The following TREM1 variants were observed in gnomAD, a reference collection of about 807,000 sequenced individuals.
TREM1 encodes triggering receptor expressed on monocytes 1.
A neutral mutation model predicts 22.4 loss-of-function variants in TREM1; 16 were observed. That is an observed-to-expected ratio of 0.71 (90% confidence interval 0.48 to 1.08). The LOEUF (loss-of-function observed/expected upper bound fraction) is 1.08, where lower values mean the gene tolerates loss of function less well. Ranked by LOEUF, TREM1 falls within the 50% of genes least tolerant of loss-of-function variation. The pLI is 0.00. For synonymous variants in TREM1, 110 were observed against 111.6 expected (o/e 0.99, Z 0.09); for missense variants, 283 against 282.9 (o/e 1.00, Z 0.00).
intron 3 of TREM1, 151 bp from the exon 4 acceptor site, chr6:41,276,381 T>C: frequency 1.5e-6 from 1 of 647,712 alleles, no homozygotes; most frequent in South Asian, 1.8e-5. Flanking sequence ...CTTTTCAGTC[T>C]GTCTCATTGC....
rs1370933748 is a variant in TREM1 at position 41,282,672 on chromosome 6, G to A, written c.129C>T (p.Tyr43=). The A allele has an allele frequency of 1.9e-5, 31 of 1,614,060 alleles. No individual in the cohort carries two copies. The highest frequency in any genetic ancestry group is 2.6e-5 in the Non-Finnish European group (31 of 1,180,040). ...GGCTGCTGGCAAACTTCTCTAGCGT[G>A]TAGTCACATTTCACATCCAGGGTCT... ...EGQTLDVKCD[Y]TLEKFASSQK... The change falls in exon 2 of 4, where the codon TAC becomes TAT. Residue 43 remains tyrosine, a synonymous_variant. Coordinates refer to ENST00000244709, the MANE Select transcript of TREM1 (RefSeq NM_018643.5).
downstream of TREM1, among the ~76,000 whole-genome samples, chr6:41,267,634 T>C (rs1053352417): frequency 1.6e-4 from 24 of 152,070 alleles, no homozygotes; most frequent in African/African-American, 5.3e-4. Context: ...AGTTCATGGC[T>C]ATAATCTTAG....
chr6:41,270,711 T>C (rs903038392), downstream of TREM1, among the ~76,000 whole-genome samples: 1 of 152,046 alleles, frequency 6.6e-6, no homozygotes, highest in African/African-American at 2.4e-5. Context: ...AGTTCTTTTG[T>C]TTTTGTCTTT....
chr6:41,270,414 G>A (rs1015835070), downstream of TREM1, among the ~76,000 whole-genome samples: 1 of 141,246 alleles, frequency 7.1e-6, no homozygotes, highest in Non-Finnish European at 1.5e-5. Context: ...AATCATATAT[G>A]TGTCTGTTTG....
Position 41,282,719 on chromosome 6 carries a change from T to G in TREM1, c.82A>C (p.Lys28Gln). The change falls in exon 2 of 4, where the codon AAG (lysine) becomes CAG (glutamine). Residue 28 changes from lysine to glutamine, a missense_variant. By Grantham distance (53) the Lys-to-Gln change is moderately conservative. Coordinates refer to ENST00000244709, the MANE Select transcript of TREM1 (RefSeq NM_018643.5). The part of the protein sequence containing the change: ...LRAATKLTEE[K>Q]YELKEGQTLD... ...GTCTGCCCCTCTTTCAGTTCATACT[T>G]TTCCTCAGTTAATTTAGTTGCAGCT... 1 of 1,613,898 alleles carries G rather than the reference T, an allele frequency of 6.2e-7. No individual in the cohort carries two copies. The highest frequency in any genetic ancestry group is 8.5e-7 in the Non-Finnish European group (1 of 1,179,902).
intron 3 of TREM1, among the ~76,000 whole-genome samples, chr6:41,277,290 C>T (rs1767708649): frequency 6.6e-6 from 1 of 151,640 alleles, no homozygotes; most frequent in African/African-American, 2.4e-5. Flanking sequence ...TGACTTGTAG[C>T]ACAGGGGACT....
rs977451072 is a variant in TREM1, at chr6:41,275,057, T to G, written c.*1068A>C. 2.0e-5 allele frequency: 3 copies of G among 151,978 alleles called. No individual in the cohort carries two copies. Among genetic ancestry groups the G allele is most frequent in the African/African-American group, 7.3e-5 (3 of 41,372 alleles). The allele number at this position is 151,978 out of a possible 1,614,324, so 9.4% of individuals were successfully genotyped here. A position where few individuals can be genotyped will look rare whatever the true frequency, so the allele number is the denominator to read the frequency against. On this transcript the variant is annotated 3_prime_UTR_variant, in exon 4 of 4. Transcript: ENST00000244709. ...TTGCAAGACAATCTCCCACAGAGAT[T>G]GTCTCTGTGGTGGCCTGAACACCTA...
At chr6:41,279,024 C>G (rs1026478226) in intron 3 of TREM1, among the ~76,000 whole-genome samples, 10 of 152,292 alleles carry the variant, frequency 6.6e-5, no homozygotes, top group Middle Eastern at 3.4e-3. Context: ...AAAACCCCAT[C>G]TCCCCATGCC....
downstream of TREM1, chr6:41,269,995 A>T (rs953254706): frequency 6.6e-6 from 1 of 152,298 alleles, no homozygotes; most frequent in African/African-American, 2.4e-5. Flanking sequence ...GACCCTGATT[A>T]TAGCTTCCGT....
Position 41,275,613 on chromosome 6 carries a change from A to G in TREM1, c.*512T>C, listed in dbSNP as rs1767635279. 1 of 153,362 alleles carries G rather than the reference A, an allele frequency of 6.5e-6. No homozygotes were observed. Among genetic ancestry groups the G allele is most frequent in the Admixed American group, 6.5e-5 (1 of 15,466 alleles). 9.5% of individuals were successfully genotyped at this position (153,362 alleles called of 1,614,324 possible). ...TTCTCCAGGTTCCACAATCTTCAAC[A>G]CCCTTTTCTGGGAGTGTTGGAAAGA... On this transcript the variant is annotated 3_prime_UTR_variant, in exon 4 of 4. Coordinates refer to ENST00000244709, the MANE Select transcript of TREM1 (RefSeq NM_018643.5).
At chr6:41,277,349 G>A (rs925072780) in intron 3 of TREM1, among the ~76,000 whole-genome samples, 54 of 151,838 alleles carry the variant, frequency 3.6e-4, no homozygotes, top group African/African-American at 1.3e-3. Context: ...GGGGGACAGG[G>A]GGCAGAGACG....
chr6:41,278,251 A>T (rs1327091615), intron 3 of TREM1, among the ~76,000 whole-genome samples: 2 of 152,056 alleles, frequency 1.3e-5, no homozygotes, highest in East Asian at 3.9e-4. Flanking sequence ...AAGACTTTAC[A>T]GCTTGCTTCT....
chr6:41,267,387 A>G (rs1466213124), downstream of TREM1, among the ~76,000 whole-genome samples: 2 of 152,252 alleles, frequency 1.3e-5, no homozygotes, highest in Non-Finnish European at 2.9e-5. Flanking sequence ...GCAATAGATA[A>G]TGCAGAAGTT....
chr6:41,267,993 A>G (rs1002672075), exon 4 of TREM1: 8 of 398,498 alleles, frequency 2.0e-5, no homozygotes, highest in Non-Finnish European at 3.1e-5. Context: ...AGCCTGGGAG[A>G]AGAACTGACT....
chr6:41,274,628 G>A lies in TREM1; in HGVS notation c.*1497C>T, dbSNP rs183050388. Among the ~76,000 whole-genome samples, 21 of 152,226 alleles carry A rather than the reference G, an allele frequency of 1.4e-4. No homozygotes were observed. The highest frequency in any genetic ancestry group is 4.6e-4 in the African/African-American group (19 of 41,536). On this transcript the variant is annotated 3_prime_UTR_variant, in exon 4 of 4. Coordinates refer to ENST00000244709, the MANE Select transcript of TREM1 (RefSeq NM_018643.5). ...GCAAAGATTCTCACCAGAGCATCAG[G>A]ATGAAATAAATGCCCACCACACACC...
intron 1 of TREM1, among the ~76,000 whole-genome samples, chr6:41,283,152 T>C (rs1440923144): frequency 6.6e-6 from 1 of 152,180 alleles, no homozygotes; most frequent in African/African-American, 2.4e-5. Flanking sequence ...GACACGGTGC[T>C]AGCAGAGAGT....
chr6:41,270,773 C>T (rs1452908707), downstream of TREM1, among the ~76,000 whole-genome samples: 1 of 152,100 alleles, frequency 6.6e-6, no homozygotes, highest in East Asian at 1.9e-4. Context: ...TGCAGTGGTG[C>T]AATCACTGCA....
At chr6:41,268,008 C>T (rs1403598981) in exon 4 of TREM1, 3 of 398,466 alleles carry the variant, frequency 7.5e-6, no homozygotes, top group African/African-American at 2.1e-5. Flanking sequence ...CTGACTTATC[C>T]GAAAGTGCCC....
chr6:41,282,747 G>A lies in TREM1; in HGVS notation c.54C>T (p.Leu18=). ...CCTCAGTTAATTTAGTTGCAGCTCG[G>A]AGTTCTATAAGCAGGGAAAGAGAAT... ...GLLWMLFVSE[L]RAATKLTEEK... is the part of the protein sequence containing the mutation. Residue 18 remains leucine, a synonymous_variant, in exon 2 of 4, where the codon CTC becomes CTT. Coordinates refer to ENST00000244709, the MANE Select transcript of TREM1 (RefSeq NM_018643.5). The A allele has an allele frequency of 1.2e-6, 2 of 1,611,606 alleles. No individual in the cohort carries two copies. The highest frequency in any genetic ancestry group is 1.7e-6 in the Non-Finnish European group (2 of 1,178,656).
Sources: gnomAD v4.1 joint callset for allele counts (sites outside exome capture counted in the v4.1 genomes callset) on GRCh38, gnomAD v4.1.1 for gene constraint, MANE v1.5 for transcripts, NCBI Gene and HGNC (gene_info 2026-07-23, HGNC 2026-07-21) for gene names.